The following CTNNA3 variants were observed in gnomAD, a reference collection of about 807,000 sequenced individuals.
CTNNA3 encodes the protein catenin alpha 3.
In CTNNA3, 76 loss-of-function variants were observed where a neutral mutation model predicts 95.7. That is an observed-to-expected ratio of 0.79 (90% CI 0.66 to 0.96). The LOEUF (loss-of-function observed/expected upper bound fraction) is 0.96, where lower values mean the gene tolerates loss of function less well. CTNNA3 is among the 40% of genes least tolerant of loss of function. The pLI, the probability that CTNNA3 is intolerant of heterozygous loss-of-function variation, is 0.00. For synonymous variants in CTNNA3, 431 were observed against 374.4 expected (o/e 1.15, Z -1.74); for missense variants, 1,191 against 1,089.8 (o/e 1.09, Z -1.31).
chr10:67,378,076 C>T (rs1843763625), intron 5 of CTNNA3, among the ~76,000 whole-genome samples: 1 of 151,652 alleles, frequency 6.6e-6, no homozygotes, highest in South Asian at 2.1e-4. Context: ...TTTAACAAAT[C>T]TCTATCACCT....
chr10:66,383,202 A>C (rs2092856618), intron 11 of CTNNA3, among the ~76,000 whole-genome samples: 1 of 152,184 alleles, frequency 6.6e-6, no homozygotes. Context: ...CCTTGAAAAA[A>C]GATTAGATGA....
At chr10:67,726,221 C>T (rs1841213794) in intron 1 of CTNNA3, among the ~76,000 whole-genome samples, 1 of 90,342 alleles carries the variant, frequency 1.1e-5, no homozygotes, top group Non-Finnish European at 1.9e-5. Flanking sequence ...ATACATAATA[C>T]ATCATACATT....
intron 1 of CTNNA3, among the ~76,000 whole-genome samples, chr10:67,662,069 T>C (rs915200924): frequency 6.6e-6 from 1 of 152,160 alleles, no homozygotes; most frequent in African/African-American, 2.4e-5. Context: ...TATGTCCATA[T>C]AGATACCTGT....
intron 5 of CTNNA3, among the ~76,000 whole-genome samples, chr10:67,225,228 AG>A (rs1337020026): frequency 1.3e-5 from 2 of 152,136 alleles, no homozygotes; most frequent in Non-Finnish European, 2.9e-5. Context: ...GACCCACCCA[AG>A]GACAGTCTCA....
At chr10:67,141,372 G>C (rs1052861488) in intron 7 of CTNNA3, among the ~76,000 whole-genome samples, 12 of 151,978 alleles carry the variant, frequency 7.9e-5, no homozygotes, top group African/African-American at 2.9e-4. Context: ...TCCAACCAAA[G>C]CAAGTTTTGT....
At chr10:66,790,542 A>G (rs1840929866) in intron 7 of CTNNA3, among the ~76,000 whole-genome samples, 1 of 152,204 alleles carries the variant, frequency 6.6e-6, no homozygotes, top group South Asian at 2.1e-4. Flanking sequence ...GAGTATCAAT[A>G]ATATAAACAA....
chr10:66,135,001 T>C lies in CTNNA3; in HGVS notation c.1885-31752A>G, dbSNP rs143714551. On this transcript the variant is annotated intron_variant, in intron 13 of 17. Transcript: ENST00000433211. ...ATATTTTGTGTGATTGTAGATAGAG[T>C]GAATGTTTAAAGATATTGTTGTATT... Among the ~76,000 whole-genome samples the C allele has an allele frequency of 7.9e-5, 12 of 152,108 alleles. No homozygotes were observed. In the East Asian group the frequency reaches 2.1e-3, roughly 27 times the overall value.
intron 13 of CTNNA3, among the ~76,000 whole-genome samples, chr10:66,135,623 G>A (rs2083306219): frequency 6.6e-6 from 1 of 152,094 alleles, no homozygotes; most frequent in Non-Finnish European, 1.5e-5. Flanking sequence ...AAATTCATTA[G>A]GTAAAAGTGT....
intron 5 of CTNNA3, among the ~76,000 whole-genome samples, chr10:67,240,728 T>G (rs1187237995): frequency 6.6e-6 from 1 of 152,098 alleles, no homozygotes; most frequent in Non-Finnish European, 1.5e-5. Context: ...ATACCTTGGG[T>G]AACTGAAATA....
chr10:67,701,889 A>T lies in CTNNA3; in HGVS notation c.-1-54375T>A, dbSNP rs946654647. 1.1e-4 allele frequency among the ~76,000 whole-genome samples: 16 copies of T among 152,146 alleles called. No individual in the cohort carries two copies. In the South Asian group the frequency reaches 1.5e-3, roughly 14 times the overall value. On this transcript the variant is annotated intron_variant, in intron 1 of 17. Coordinates refer to the CTNNA3 transcript ENST00000684154. Reference sequence around the variant, plus strand: ...CTGTATTCAGGAAACCCATCTCACGAGCAGAGACACACATAGGCTCAAAAT... The same window carrying T: ...CTGTATTCAGGAAACCCATCTCACGTGCAGAGACACACATAGGCTCAAAAT...
At chr10:67,399,800 T>C (rs542926443) in intron 5 of CTNNA3, among the ~76,000 whole-genome samples, 2 of 152,184 alleles carry the variant, frequency 1.3e-5, no homozygotes, top group Non-Finnish European at 2.9e-5. Context: ...ACCAAGACTG[T>C]TTTAAACTTT....
chr10:67,429,302 A>T (rs978814463), intron 5 of CTNNA3, among the ~76,000 whole-genome samples: 7 of 152,028 alleles, frequency 4.6e-5, no homozygotes, highest in Non-Finnish European at 1.0e-4. Context: ...TATTTCTCCC[A>T]TATTCTTATA....
intron 11 of CTNNA3, among the ~76,000 whole-genome samples, chr10:66,409,070 TC>T (rs1330229933): frequency 6.6e-6 from 1 of 152,170 alleles, no homozygotes; most frequent in Non-Finnish European, 1.5e-5. Flanking sequence ...TTCTATCAAG[TC>T]CACTTCTATT....
intron 12 of CTNNA3, among the ~76,000 whole-genome samples, chr10:66,328,911 C>CATATATATATATATACATAT (rs2092289609): frequency 1.2e-5 from 1 of 86,492 alleles, no homozygotes; most frequent in Non-Finnish European, 2.5e-5. Context: ...CACATATATA[C>CATATATATATATATACATAT]ATATATATAT....
intron 7 of CTNNA3, among the ~76,000 whole-genome samples, chr10:66,803,112 T>C (rs1297023708): frequency 6.6e-6 from 1 of 152,024 alleles, no homozygotes; most frequent in Admixed American, 6.6e-5. Flanking sequence ...TTTAAACATA[T>C]TTCAATTTCA....
intron 11 of CTNNA3, among the ~76,000 whole-genome samples, chr10:66,410,418 T>G (rs1250095566): frequency 6.6e-6 from 1 of 152,150 alleles, no homozygotes; most frequent in Non-Finnish European, 1.5e-5. Flanking sequence ...TTGGTGAACT[T>G]TGCAACCCAG....
At chr10:66,698,402 C>A (rs186995968) in intron 9 of CTNNA3, among the ~76,000 whole-genome samples, 4 of 152,202 alleles carry the variant, frequency 2.6e-5, no homozygotes, top group Admixed American at 2.6e-4. Context: ...AATGTGTGTG[C>A]GCTTATTCCT....
At chr10:66,161,593 A>G (rs1430660619) in intron 13 of CTNNA3, among the ~76,000 whole-genome samples, 1 of 152,100 alleles carries the variant, frequency 6.6e-6, no homozygotes, top group African/African-American at 2.4e-5. Context: ...GTTTTCCTTT[A>G]TAGGTTATCT....
chr10:66,931,192 T>TTAA (rs33993298), intron 7 of CTNNA3, among the ~76,000 whole-genome samples: 2 of 118,714 alleles, frequency 1.7e-5, no homozygotes, highest in East Asian at 2.5e-4. Context: ...TGACAACAGT[T>TTAA]AAAAAAAAAA....
Sources: allele counts gnomAD v4.1 joint callset (sites outside exome capture counted in the v4.1 genomes callset), GRCh38; gene constraint gnomAD v4.1.1; transcripts MANE v1.5; gene names NCBI Gene and HGNC (gene_info 2026-07-23, HGNC 2026-07-21).